Variants in DST observed in about 807,000 individuals in gnomAD.
The protein encoded by DST is bullous pemphigoid antigen.
Under a neutral mutation model 875.2 loss-of-function variants are expected in DST, and 253 were observed. The ratio of observed to expected loss-of-function variants is 0.29; its 90% CI spans 0.26 to 0.32. DST has a LOEUF of 0.32. DST is among the 10% of genes least tolerant of loss of function. DST has a pLI of 1.00. For missense variants in DST, 8,287 were observed against 9,111.6 expected (o/e 0.91, Z 3.68); for synonymous variants, 3,124 against 3,197.1 (o/e 0.98, Z 0.77).
At chr6:56,750,106 G>A (rs909874738) in intron 4 of DST, among the ~76,000 whole-genome samples, 5 of 152,138 alleles carry the variant, frequency 3.3e-5, no homozygotes, top group African/African-American at 1.2e-4. Flanking sequence ...TGGGGTGCCC[G>A]CAGACTTCTC....
At chr6:56,895,058 G>A (rs1344040618) in intron 3 of DST, among the ~76,000 whole-genome samples, 1 of 109,770 alleles carries the variant, frequency 9.1e-6, no homozygotes, top group Non-Finnish European at 1.8e-5. Context: ...TCCTGGACGG[G>A]GCGACTGGCC....
At chr6:56,716,738 T>C (rs1317275142) in intron 5 of DST, among the ~76,000 whole-genome samples, 3 of 152,160 alleles carry the variant, frequency 2.0e-5, no homozygotes, top group Admixed American at 6.5e-5. Context: ...GACATTTAGT[T>C]TATAATTTAA....
At chr6:56,789,264 T>C (rs993478692) in intron 4 of DST, among the ~76,000 whole-genome samples, 1 of 151,782 alleles carries the variant, frequency 6.6e-6, no homozygotes, top group Non-Finnish European at 1.5e-5. Flanking sequence ...AGCCCAGGAG[T>C]TCAAGGTGAC....
rs1378744169 is a variant in DST, at chr6:56,553,092, T to C, written c.15700A>G (p.Ser5234Gly). The part of the protein sequence containing the change: ...LLNNTANSLL[S>G]VCEIDKEVVT... ...ACTTCTTTATCTATCTCACAGACAC[T>C]GAGCAAGCTATTGGCTGTGTTGTTC... Residue 5234 changes from serine (S) to glycine (G), a missense_variant, in exon 61 of 104, where the codon AGT (serine) becomes GGT (glycine). Around this residue, in one of 10 missense-constraint regions of DST, gnomAD observed 1,513 missense variants for 1,677.8 expected, o/e 0.90. Transcript: ENST00000680361. 4 of 1,613,906 alleles carry C rather than the reference T, an allele frequency of 2.5e-6. No individual in the cohort carries two copies. In the African/African-American group the frequency reaches 4.0e-5, roughly 16 times the overall value.
In DST at chr6:56,601,591, T is replaced by A; in HGVS notation, c.11393A>T (p.Gln3798Leu). The A allele has an allele frequency of 1.2e-6, 2 of 1,602,162 alleles. No individual in the cohort carries two copies. The highest frequency in any genetic ancestry group is 1.1e-5 in the South Asian group (1 of 89,050). ...DVQFFISEYA[Q>L]DLSPNQSKQL... ...TTTGCTTTGGTTGGGAGACAGATCC[T>A]GTGCATATTCAGAAATGAAGAACTG... Residue 3798 changes from glutamine to leucine, a missense_variant, in exon 44 of 104, where the codon CAG becomes CTG. This residue lies in a region of DST where 3,138 missense variants were observed against 3,116.6 expected (regional missense o/e 1.01). Transcript: ENST00000680361.
chr6:56,600,633 A>G (rs1306185376), intron 44 of DST, among the ~76,000 whole-genome samples: 1 of 152,096 alleles, frequency 6.6e-6, no homozygotes, highest in Non-Finnish European at 1.5e-5. Context: ...ATCATGCTAG[A>G]GACAATGTCT....
intron 47 of DST, among the ~76,000 whole-genome samples, chr6:56,595,702 G>A (rs573564560): frequency 6.6e-6 from 1 of 152,012 alleles, no homozygotes; most frequent in Admixed American, 6.6e-5. Flanking sequence ...CCACCTAGTG[G>A]GCACATAGTA....
chr6:56,704,227 A>G, intron 6 of DST, 53 bp downstream of exon 6: 1 of 919,014 alleles, frequency 1.1e-6, no homozygotes, highest in Non-Finnish European at 1.7e-6. Flanking sequence ...TACTGGTCCT[A>G]TGCAGAAAAG....
In DST at chr6:56,503,985, C is replaced by T. The variant is rs2152462682; in HGVS notation, c.19566+12G>A. On this transcript the variant is annotated intron_variant, in intron 78 of 103. Coordinates refer to ENST00000680361, the MANE Select transcript of DST (RefSeq NM_001374736.1). ...GCAAGGGAGTCTTCGATAAATTAGCCCCCACACATACCTTTAGCTCTTCAA... is the reference window on the plus strand; with the variant it reads ...GCAAGGGAGTCTTCGATAAATTAGCTCCCACACATACCTTTAGCTCTTCAA... The T allele has an allele frequency of 6.3e-7, 1 of 1,584,674 alleles. No homozygotes were observed.
chr6:56,930,958 C>A (rs556833769), intron 2 of DST, among the ~76,000 whole-genome samples: 1 of 152,272 alleles, frequency 6.6e-6, no homozygotes, highest in Non-Finnish European at 1.5e-5. Flanking sequence ...GTTATATACA[C>A]AGTCAGAAAT....
At chr6:56,690,968 T>C (rs2099224417) in intron 9 of DST, among the ~76,000 whole-genome samples, 1 of 152,212 alleles carries the variant, frequency 6.6e-6, no homozygotes, top group South Asian at 2.1e-4. Flanking sequence ...GATAATATAA[T>C]GACTACCCAT....
intron 4 of DST, among the ~76,000 whole-genome samples, chr6:56,737,531 G>A (rs2099529885): frequency 6.6e-6 from 1 of 152,196 alleles, no homozygotes; most frequent in Non-Finnish European, 1.5e-5. Flanking sequence ...TTAAGTGCTT[G>A]ACAGTCACAT....
At chr6:56,621,336 TA>T (rs2098689148) in intron 36 of DST, among the ~76,000 whole-genome samples, 1 of 152,232 alleles carries the variant, frequency 6.6e-6, no homozygotes, top group Non-Finnish European at 1.5e-5. Context: ...TTGAAATTTC[TA>T]AAGTCAGATC....
In DST at chr6:56,858,703, C is replaced by T. The variant is rs1033203747; in HGVS notation, c.418-7099G>A. ...ATTTCAGTTCCCAATAGGGATATCACTTTGAATCCTAGACAATCAAGGCTC... is the reference window on the plus strand; with the variant it reads ...ATTTCAGTTCCCAATAGGGATATCATTTTGAATCCTAGACAATCAAGGCTC... On this transcript the variant is annotated intron_variant, in intron 3 of 103. Transcript: ENST00000680361. 3.9e-5 allele frequency among the ~76,000 whole-genome samples: 6 copies of T among 152,288 alleles called. No homozygotes were observed. In the South Asian group the frequency reaches 1.0e-3, roughly 26 times the overall value.
chr6:56,600,177 C>A lies in DST; in HGVS notation c.11586G>T (p.Gly3862=). Reference sequence around the variant, plus strand: ...CAGTTTGGGTAAGAAGATCACATATCCCTTGGAGTTTCTCTTTATACTCCT... The same window carrying A: ...CAGTTTGGGTAAGAAGATCACATATACCTTGGAGTTTCTCTTTATACTCCT... ...RQQEYKEKLQ[G]ICDLLTQTEN... is the part of the protein sequence containing the mutation. Residue 3862 remains glycine (G), a synonymous_variant, in exon 45 of 104, where the codon GGG becomes GGT. Coordinates refer to ENST00000680361, the MANE Select transcript of DST (RefSeq NM_001374736.1). 1 of 1,612,890 alleles carries A rather than the reference C, an allele frequency of 6.2e-7. No homozygotes were observed. The highest frequency in any genetic ancestry group is 8.5e-7 in the Non-Finnish European group (1 of 1,179,130).
At chr6:56,544,786 T>C (rs964533780) in intron 61 of DST, among the ~76,000 whole-genome samples, 3 of 152,194 alleles carry the variant, frequency 2.0e-5, no homozygotes, top group African/African-American at 4.8e-5. Context: ...ATTTGTGCTA[T>C]TAAAATTTGT....
In DST at chr6:56,473,906, G is replaced by A. The variant is rs1212782671; in HGVS notation, c.21961C>T (p.His7321Tyr). 1 of 1,598,076 alleles carries A rather than the reference G, an allele frequency of 6.3e-7. No individual in the cohort carries two copies. The highest frequency in any genetic ancestry group is 8.5e-7 in the Non-Finnish European group (1 of 1,170,870). The change falls in exon 93 of 104, where the codon CAT (histidine) becomes TAT (tyrosine). Residue 7321 changes from histidine to tyrosine, a missense_variant. By Grantham distance (83) the His-to-Tyr change is moderately conservative. Transcript: ENST00000680361. ...CGTCCCTTATCCAAGACTGGAATAT[G>A]GGATTGTAATGAGGAAGGATCAGCA... ...RAADPSSLQS[H>Y]IPVLDKGRAG... is the part of the protein sequence containing the mutation.
intron 5 of DST, among the ~76,000 whole-genome samples, chr6:56,722,453 G>A (rs375544581): frequency 8.5e-5 from 13 of 152,070 alleles, no homozygotes; most frequent in African/African-American, 2.9e-4. Flanking sequence ...GTGCAATCTC[G>A]GCTCACTGCA....
At chr6:56,832,859 C>G (rs147642222) in intron 4 of DST, among the ~76,000 whole-genome samples, 5,027 of 152,224 alleles carry the variant, frequency 0.033, 240 homozygotes, top group African/African-American at 0.11. Context: ...CCTGCCGCAG[C>G]CTCCTGAGTA....
Sources: gnomAD v4.1 joint callset for allele counts (sites outside exome capture counted in the v4.1 genomes callset) on GRCh38, gnomAD v4.1.1 for gene constraint, gnomAD v4.1.1 regional missense constraint, MANE v1.5 for transcripts, NCBI Gene and HGNC (gene_info 2026-07-23, HGNC 2026-07-21) for gene names.